The following DGKB variants were observed in gnomAD, a reference collection of about 807,000 sequenced individuals.
DGKB encodes diacylglycerol kinase beta.
DGKB carries 67 observed loss-of-function variants against 114.3 expected under a neutral mutation model. The observed-to-expected ratio is 0.59, with a 90% CI of 0.48 to 0.72. The LOEUF (loss-of-function observed/expected upper bound fraction) is 0.72, where lower values mean the gene tolerates loss of function less well. Among genes scored for constraint, DGKB ranks in the 30% least tolerant of loss-of-function variants. The pLI is 0.00. For missense variants in DGKB, 907 were observed against 975.2 expected (o/e 0.93, Z 0.93); for synonymous variants, 398 against 323.1 (o/e 1.23, Z -2.49).
At chr7:14,192,948 G>A (rs944894618) in intron 23 of DGKB, among the ~76,000 whole-genome samples, 2 of 151,988 alleles carry the variant, frequency 1.3e-5, no homozygotes. Flanking sequence ...TGCATGCGCA[G>A]TTCACAATAG....
At chr7:14,602,892 A>G (rs973055750) in intron 17 of DGKB, among the ~76,000 whole-genome samples, 9 of 152,226 alleles carry the variant, frequency 5.9e-5, no homozygotes, top group Admixed American at 2.0e-4. Flanking sequence ...CAATTTTGAT[A>G]GGCAATAATC....
intron 1 of DGKB, among the ~76,000 whole-genome samples, chr7:14,873,644 A>G (rs925216380): frequency 7.9e-5 from 12 of 151,880 alleles, no homozygotes; most frequent in Non-Finnish European, 1.5e-4. Context: ...GTTTACATAT[A>G]CTATATATAT....
intron 1 of DGKB, among the ~76,000 whole-genome samples, chr7:14,873,782 A>G (rs1440393943): frequency 6.6e-6 from 1 of 152,006 alleles, no homozygotes; most frequent in Non-Finnish European, 1.5e-5. Flanking sequence ...CACGATTGCC[A>G]AAAGTCTGAA....
At chr7:14,736,281 A>G in intron 4 of DGKB, 87 bp from the exon 5 acceptor site, 1 of 838,916 alleles carries the variant, frequency 1.2e-6, no homozygotes, top group Non-Finnish European at 1.8e-6. Flanking sequence ...AGAAGTAGAA[A>G]TGACCTCAAA....
chr7:14,291,583 G>A (rs1478952016), intron 23 of DGKB, among the ~76,000 whole-genome samples: 1 of 151,800 alleles, frequency 6.6e-6, no homozygotes, highest in Admixed American at 6.6e-5. Flanking sequence ...AGGTTCTGAG[G>A]ACCTGATCTC....
intron 1 of DGKB, among the ~76,000 whole-genome samples, chr7:14,851,435 G>T (rs1198634185): frequency 6.6e-6 from 1 of 151,916 alleles, no homozygotes; most frequent in Non-Finnish European, 1.5e-5. Flanking sequence ...ATTGAGACTG[G>T]CAGGTTAGGT....
chr7:14,954,128 G>T (rs991601954), intron 1 of DGKB, among the ~76,000 whole-genome samples: 4 of 151,994 alleles, frequency 2.6e-5, no homozygotes, highest in African/African-American at 9.7e-5. Context: ...GTGTAGAAAG[G>T]GAAGGAGGTG....
At chr7:14,474,109 TG>T (rs1399599446) in intron 21 of DGKB, among the ~76,000 whole-genome samples, 1 of 152,186 alleles carries the variant, frequency 6.6e-6, no homozygotes, top group African/African-American at 2.4e-5. Context: ...CAGAATGATA[TG>T]GTTTGGCCAT....
chr7:14,518,584 A>C (rs1170077392), intron 20 of DGKB, among the ~76,000 whole-genome samples: 1 of 152,172 alleles, frequency 6.6e-6, no homozygotes, highest in Admixed American at 6.6e-5. Flanking sequence ...ATATTTGCCA[A>C]TCTCACATTA....
chr7:14,424,332 G>A (rs1827179533), intron 21 of DGKB, among the ~76,000 whole-genome samples: 1 of 151,936 alleles, frequency 6.6e-6, no homozygotes, highest in African/African-American at 2.4e-5. Flanking sequence ...TGTCCTTGAT[G>A]CTTCGTGACT....
At chr7:14,643,839 C>T (rs917151434) in intron 13 of DGKB, among the ~76,000 whole-genome samples, 30 of 152,254 alleles carry the variant, frequency 2.0e-4, no homozygotes, top group East Asian at 5.8e-4. Context: ...TCCAGGAGCC[C>T]GAGGCCATCC....
At chr7:14,500,715 A>C (rs1475229131) in intron 20 of DGKB, among the ~76,000 whole-genome samples, 1 of 151,774 alleles carries the variant, frequency 6.6e-6, no homozygotes, top group Non-Finnish European at 1.5e-5. Flanking sequence ...TGGATTCGGT[A>C]CTAGGTGATT....
At chr7:14,491,576 T>C (rs1329887813) in intron 20 of DGKB, among the ~76,000 whole-genome samples, 1 of 152,148 alleles carries the variant, frequency 6.6e-6, no homozygotes, top group Non-Finnish European at 1.5e-5. Flanking sequence ...TCATCATTTA[T>C]TGTTGCTAAT....
chr7:14,678,415 T>G (rs533654946), intron 12 of DGKB, among the ~76,000 whole-genome samples: 2 of 151,970 alleles, frequency 1.3e-5, no homozygotes, highest in Non-Finnish European at 2.9e-5. Context: ...TCCTAAGGTA[T>G]GATTAGAATT....
intron 17 of DGKB, among the ~76,000 whole-genome samples, chr7:14,586,796 G>A (rs1232146156): frequency 2.0e-5 from 3 of 151,428 alleles, no homozygotes; most frequent in East Asian, 3.9e-4. Context: ...GAGGGATATC[G>A]CATTTCTTTA....
At chr7:14,769,129 G>C (rs916786742) in intron 2 of DGKB, among the ~76,000 whole-genome samples, 1 of 134,594 alleles carries the variant, frequency 7.4e-6, no homozygotes, top group African/African-American at 2.9e-5. Context: ...AAGAAAGAGA[G>C]AGAGAGAAAG....
intron 13 of DGKB, among the ~76,000 whole-genome samples, chr7:14,638,251 C>G (rs1419914864): frequency 6.6e-6 from 1 of 152,026 alleles, no homozygotes; most frequent in African/African-American, 2.4e-5. Flanking sequence ...TTAGTAGTAA[C>G]TATAAGAAGC....
chr7:14,543,398 T>A (rs1395246276), intron 20 of DGKB, among the ~76,000 whole-genome samples: 1 of 151,754 alleles, frequency 6.6e-6, no homozygotes, highest in Non-Finnish European at 1.5e-5. Context: ...TAAGCCATAA[T>A]TGCACCACTG....
At position 14,315,972 on chromosome 7, in the gene DGKB, A is replaced by G. The variant is rs1806403533; in HGVS notation, c.2122+22543T>C. ...TGCAATCAAACTAGAACTCAGGATTAAGAATTTCACTCAAAACCGCTCAAC... is the reference window on the plus strand; with the variant it reads ...TGCAATCAAACTAGAACTCAGGATTGAGAATTTCACTCAAAACCGCTCAAC... On this transcript the variant is annotated intron_variant, in intron 23 of 25. Transcript: ENST00000402815. Among the ~76,000 whole-genome samples the G allele has an allele frequency of 3.9e-5, 6 of 151,992 alleles. No homozygotes were observed. In the South Asian group the frequency reaches 1.2e-3, roughly 32 times the overall value.
Sources: allele counts gnomAD v4.1 joint callset (sites outside exome capture counted in the v4.1 genomes callset), GRCh38; gene constraint gnomAD v4.1.1; transcripts MANE v1.5; gene names NCBI Gene and HGNC (gene_info 2026-07-23, HGNC 2026-07-21).